MAD2L1BP: variants seen among roughly 807,000 people sequenced by gnomAD.
MAD2L1BP encodes MAD2L1 binding protein, also known as MAD2L1-binding protein.
In MAD2L1BP, 22 loss-of-function variants were observed where a neutral mutation model predicts 28.4. The observed-to-expected ratio is 0.77, with a 90% CI of 0.55 to 1.10. MAD2L1BP has a LOEUF of 1.10. Among genes scored for constraint, MAD2L1BP ranks in the 50% least tolerant of loss-of-function variants. The probability of loss-of-function intolerance (pLI) is 0.00; values close to 1 mark genes in which losing one functional copy is unlikely to be tolerated. For missense variants in MAD2L1BP, 325 were observed against 350.5 expected (o/e 0.93, Z 0.58); for synonymous variants, 146 against 133.7 (o/e 1.09, Z -0.63).
upstream of MAD2L1BP, among the ~76,000 whole-genome samples, chr6:43,634,211 T>C (rs1347465908): frequency 1.4e-5 from 2 of 139,672 alleles, no homozygotes; most frequent in Non-Finnish European, 3.0e-5. Flanking sequence ...TTTTTTTTTT[T>C]CTTTTTTTCT....
At chr6:43,635,963 G>A (rs1770190954) in intron 1 of MAD2L1BP, 42 bp downstream of exon 1, 3 of 1,519,060 alleles carry the variant, frequency 2.0e-6, no homozygotes, top group Non-Finnish European at 2.7e-6. Context: ...TTGGGGACTT[G>A]TTTCTTCCCT....
At chr6:43,637,359 G>A (rs558919319) in intron 2 of MAD2L1BP, among the ~76,000 whole-genome samples, 1 of 151,458 alleles carries the variant, frequency 6.6e-6, no homozygotes, top group African/African-American at 2.4e-5. Flanking sequence ...GAACTACCGC[G>A]CCTGGCCTGC....
upstream of MAD2L1BP, chr6:43,635,771 G>T: frequency 8.3e-7 from 1 of 1,211,002 alleles, no homozygotes. Context: ...GCGACGCCGC[G>T]CCTTTTTTCC....
chr6:43,640,919 A>G lies in MAD2L1BP; in HGVS notation c.*386A>G, dbSNP rs1016220461. 2.4e-5 allele frequency: 5 copies of G among 206,968 alleles called. No homozygotes were observed. Among genetic ancestry groups the G allele is most frequent in the Non-Finnish European group, 4.9e-5 (5 of 102,188 alleles). The allele number at this position is 206,968 out of a possible 1,614,324, so 12.8% of individuals were successfully genotyped here. On this transcript the variant is annotated 3_prime_UTR_variant, in exon 3 of 3. Coordinates refer to ENST00000372171, the MANE Select transcript of MAD2L1BP (RefSeq NM_014628.3). ...GGATGTGACTTATGAACTTAAATAT[A>G]AAATAAATAGATTCTTATTATATTT... is the stretch of plus-strand genomic sequence containing the variant.
At chr6:43,638,762 C>T (rs1430962702) in intron 2 of MAD2L1BP, among the ~76,000 whole-genome samples, 1 of 151,622 alleles carries the variant, frequency 6.6e-6, no homozygotes, top group Non-Finnish European at 1.5e-5. Context: ...CGCCACTGTA[C>T]TCCAGCCTGG....
At chr6:43,636,676 G>T in intron 2 of MAD2L1BP, 30 bp downstream of exon 2, 2 of 1,601,586 alleles carry the variant, frequency 1.2e-6, no homozygotes, top group South Asian at 2.2e-5. Context: ...GCAAGTTGGT[G>T]GGAAGACTTT....
Position 43,640,400 on chromosome 6 carries a change from A to G in MAD2L1BP, c.692A>G (p.Asn231Ser), listed in dbSNP as rs1228934928. Residue 231 changes from asparagine to serine, a missense_variant, in exon 3 of 3, where the codon AAC becomes AGC. Physicochemically the swap from Asn to Ser is conservative, Grantham distance 46 (BLOSUM62 1). Coordinates refer to ENST00000372171, the MANE Select transcript of MAD2L1BP (RefSeq NM_014628.3). ...CGEDWFRPKLNYRVPSRGHKL... is the reference protein window; with the variant it reads ...CGEDWFRPKLSYRVPSRGHKL... ...GAAGATTGGTTTCGACCCAAGCTCA[A>G]CTATCGAGTGCCCAGCCGGGGCCAT... The G allele has an allele frequency of 1.9e-6, 3 of 1,613,832 alleles. No homozygotes were observed. The highest frequency in any genetic ancestry group is 2.7e-5 in the African/African-American group (2 of 74,916).
At chr6:43,635,968 T>A in intron 1 of MAD2L1BP, 47 bp downstream of exon 1, 1 of 1,508,132 alleles carries the variant, frequency 6.6e-7, no homozygotes, top group Non-Finnish European at 9.0e-7. Context: ...GACTTGTTTC[T>A]TCCCTACCGC....
At chr6:43,630,653 G>T (rs575217531) in intron 1 of MAD2L1BP, among the ~76,000 whole-genome samples, 1 of 151,958 alleles carries the variant, frequency 6.6e-6, no homozygotes, top group African/African-American at 2.4e-5. Context: ...TGAGGCAGGA[G>T]AATCGCTTGA....
At chr6:43,635,951 C>A in intron 1 of MAD2L1BP, 30 bp downstream of exon 1, 2 of 1,531,926 alleles carry the variant, frequency 1.3e-6, no homozygotes, top group African/African-American at 1.4e-5. Context: ...GTTTGGGGAG[C>A]CTTGGGGACT....
At chr6:43,633,100 G>A (rs142226267), upstream of MAD2L1BP, 1,940 of 383,030 alleles carry the variant, frequency 5.1e-3, 44 homozygotes, top group Admixed American at 0.043. Context: ...CTCCCACCTC[G>A]GCCTCCCAAA....
intron 2 of MAD2L1BP, among the ~76,000 whole-genome samples, chr6:43,638,878 A>G (rs1007201670): frequency 6.6e-6 from 1 of 151,662 alleles, no homozygotes; most frequent in Non-Finnish European, 1.5e-5. Flanking sequence ...CTATAAGGAG[A>G]TTAGGTGGGA....
At chr6:43,639,582 T>C (rs1770454298) in intron 2 of MAD2L1BP, among the ~76,000 whole-genome samples, 2 of 152,354 alleles carry the variant, frequency 1.3e-5, no homozygotes, top group Middle Eastern at 6.8e-3. Flanking sequence ...TTTTCTCTCA[T>C]TTTGTAATAT....
chr6:43,640,049 G>A lies in MAD2L1BP; in HGVS notation c.341G>A (p.Arg114Gln), dbSNP rs373345361. Reference sequence around the variant, plus strand: ...GAGGAGATGCTGAAGAAGAAACCTCGGGCCACCACTGAGGTGAGCAGCAGG... The same window carrying A: ...GAGGAGATGCTGAAGAAGAAACCTCAGGCCACCACTGAGGTGAGCAGCAGG... ...QAEEMLKKKP[R>Q]ATTEVSSRKC... The change falls in exon 3 of 3, where the codon CGG becomes CAG. Residue 114 changes from arginine (R) to glutamine (Q), a missense_variant. Arg to Gln is a conservative substitution (Grantham distance 43, BLOSUM62 1). Coordinates refer to ENST00000372171, the MANE Select transcript of MAD2L1BP (RefSeq NM_014628.3). 1.6e-5 allele frequency: 24 copies of A among 1,532,762 alleles called. No individual in the cohort carries two copies. Among genetic ancestry groups the A allele is most frequent in the African/African-American group, 4.1e-5 (3 of 72,448 alleles). 94.9% of individuals were successfully genotyped at this position (1,532,762 alleles called of 1,614,324 possible).
exon 1 of MAD2L1BP, chr6:43,629,649 G>A: frequency 7.7e-7 from 1 of 1,299,574 alleles, no homozygotes; most frequent in Non-Finnish European, 1.1e-6. Context: ...GCCCTTTAGC[G>A]CGGATCCTAG....
upstream of MAD2L1BP, among the ~76,000 whole-genome samples, chr6:43,634,031 G>A (rs950670501): frequency 6.6e-6 from 1 of 152,024 alleles, no homozygotes; most frequent in Non-Finnish European, 1.5e-5. Flanking sequence ...ACATGCTGAT[G>A]GCTCTTAAAT....
chr6:43,629,817 A>C, intron 1 of MAD2L1BP: 8 of 1,550,630 alleles, frequency 5.2e-6, no homozygotes, highest in Non-Finnish European at 7.0e-6. Flanking sequence ...GATTAGCCAA[A>C]TTACGGCTGT....
intron 1 of MAD2L1BP, among the ~76,000 whole-genome samples, chr6:43,630,802 G>A (rs190965436): frequency 1.3e-5 from 2 of 150,578 alleles, no homozygotes; most frequent in African/African-American, 2.5e-5. Flanking sequence ...CCAGCTGCTC[G>A]GGAGACTGAG....
chr6:43,636,582 A>G lies in MAD2L1BP; in HGVS notation c.248A>G (p.Gln83Arg). 6.2e-7 allele frequency: 1 copy of G among 1,614,192 alleles called. No homozygotes were observed. The highest frequency in any genetic ancestry group is 1.1e-5 in the South Asian group (1 of 91,082). ...GAACTTCTAAAGCATATCATGTATCAACGCCAGCAGCTCCCTCTGCCCTAT... is the reference window on the plus strand; with the variant it reads ...GAACTTCTAAAGCATATCATGTATCGACGCCAGCAGCTCCCTCTGCCCTAT... ...TCELLKHIMY[Q>R]RQQLPLPYEQ... Residue 83 changes from glutamine to arginine, a missense_variant, in exon 2 of 3, where the codon CAA becomes CGA. Transcript: ENST00000372171.
Sources: allele counts gnomAD v4.1 joint callset (sites outside exome capture counted in the v4.1 genomes callset), GRCh38; gene constraint gnomAD v4.1.1; transcripts MANE v1.5; gene names NCBI Gene and HGNC (gene_info 2026-07-23, HGNC 2026-07-21).